Variants in PLCB1 observed in about 807,000 individuals in gnomAD.
The protein encoded by PLCB1 is phospholipase C beta 1.
In PLCB1, 46 loss-of-function variants were observed where a neutral mutation model predicts 161.8. That is an observed-to-expected ratio of 0.28 (90% CI 0.22 to 0.36). PLCB1 has a LOEUF of 0.36. Ranked by LOEUF, PLCB1 falls within the 10% of genes least tolerant of loss-of-function variation. The pLI is 1.00. For missense variants in PLCB1, 1,016 were observed against 1,472.5 expected (o/e 0.69, Z 5.07); for synonymous variants, 517 against 503.7 (o/e 1.03, Z -0.35).
Position 8,523,496 on chromosome 20 carries a change from C to CTCTCTCTATA in PLCB1, c.247-104797_247-104796insCTCTCTATAT. Among the ~76,000 whole-genome samples the CTCTCTCTATA allele has an allele frequency of 1.5e-4, 8 of 51,656 alleles. 1 individual carries two copies. The highest frequency in any genetic ancestry group is 0.012 in the Middle Eastern group (1 of 82). The allele number at this position is 51,656 out of a possible 152,430, so 33.9% of individuals were successfully genotyped here. On this transcript the variant is annotated intron_variant, in intron 3 of 31. Transcript: ENST00000338037. ...TCTCTCTCTCTCTCTCTCTCTCTCTCTATATATATATATATATATATATAT... is the reference window on the plus strand; with the variant it reads ...TCTCTCTCTCTCTCTCTCTCTCTCTCTCTCTCTATATATATATATATATATATATATATAT...
chr20:8,332,328 CAG>C (rs1460869599), intron 2 of PLCB1, among the ~76,000 whole-genome samples: 3 of 152,168 alleles, frequency 2.0e-5, no homozygotes, highest in Non-Finnish European at 4.4e-5. Flanking sequence ...AAGTCAATGA[CAG>C]ATTTTATTTG....
chr20:8,579,465 A>G (rs1318073594), intron 3 of PLCB1, among the ~76,000 whole-genome samples: 1 of 152,216 alleles, frequency 6.6e-6, no homozygotes, highest in Non-Finnish European at 1.5e-5. Flanking sequence ...ACAACTACTT[A>G]TTGTTCCAAG....
chr20:8,184,807 T>TATA (rs1270657884), intron 2 of PLCB1, among the ~76,000 whole-genome samples: 1 of 144,004 alleles, frequency 6.9e-6, no homozygotes, highest in Middle Eastern at 3.5e-3. Flanking sequence ...TTATTATTAT[T>TATA]ATACTTTAAG....
chr20:8,293,892 G>A (rs1796644958), intron 2 of PLCB1, among the ~76,000 whole-genome samples: 2 of 152,144 alleles, frequency 1.3e-5, no homozygotes, highest in Non-Finnish European at 2.9e-5. Flanking sequence ...GAGAAGTAAG[G>A]GACTAGAGAA....
chr20:8,874,888 G>A lies in PLCB1; in HGVS notation c.3424-6734G>A, dbSNP rs555879033. Among the ~76,000 whole-genome samples, 28 of 151,968 alleles carry A rather than the reference G, an allele frequency of 1.8e-4. No individual in the cohort carries two copies. The East Asian group carries it at 5.2e-3, about 28-fold the overall frequency. Reference sequence around the variant, plus strand: ...CAAAAATGGAGTTGCTGGGTTACAAGCCTATGTTTGCCTTCTTATAAATTT... The same window carrying A: ...CAAAAATGGAGTTGCTGGGTTACAAACCTATGTTTGCCTTCTTATAAATTT... On this transcript the variant is annotated intron_variant, in intron 31 of 31. Transcript: ENST00000338037.
At chr20:8,533,158 C>A (rs1319936117) in intron 3 of PLCB1, among the ~76,000 whole-genome samples, 1 of 152,032 alleles carries the variant, frequency 6.6e-6, no homozygotes, top group Non-Finnish European at 1.5e-5. Context: ...ATGATGATTT[C>A]CAATTTCATC....
chr20:8,852,984 TCAGG>T lies in PLCB1; in HGVS notation c.3424-28633_3424-28630del, dbSNP rs1986941628. 3.3e-5 allele frequency among the ~76,000 whole-genome samples: 5 copies of T among 152,310 alleles called. No individual in the cohort carries two copies. In the South Asian group the frequency reaches 1.0e-3, roughly 32 times the overall value. Reference sequence around the variant, plus strand: ...CCCATATCCATTGGGGACATGAGTGTCAGGCAGGTCAGGTGAGTGTCACCACCTG... The same window carrying T: ...CCCATATCCATTGGGGACATGAGTGTCAGGTCAGGTGAGTGTCACCACCTG... On this transcript the variant is annotated intron_variant, in intron 31 of 31. Transcript: ENST00000338037.
intron 31 of PLCB1, among the ~76,000 whole-genome samples, chr20:8,845,187 C>A (rs1035835239): frequency 6.6e-6 from 1 of 152,014 alleles, no homozygotes; most frequent in Non-Finnish European, 1.5e-5. Context: ...ATCATGAGTT[C>A]TTTTGGTGAC....
intron 3 of PLCB1, among the ~76,000 whole-genome samples, chr20:8,485,655 G>T (rs1287141370): frequency 6.6e-6 from 1 of 152,144 alleles, no homozygotes; most frequent in Non-Finnish European, 1.5e-5. Flanking sequence ...GGTGAACTTG[G>T]GCATGAATGA....
At chr20:8,237,165 A>G (rs545837144) in intron 2 of PLCB1, among the ~76,000 whole-genome samples, 4 of 152,212 alleles carry the variant, frequency 2.6e-5, no homozygotes, top group African/African-American at 7.2e-5. Context: ...ATTGCAAGGA[A>G]ATTGCTTGTA....
chr20:8,870,811 T>G (rs1336361348), intron 31 of PLCB1, among the ~76,000 whole-genome samples: 1 of 151,750 alleles, frequency 6.6e-6, no homozygotes, highest in Non-Finnish European at 1.5e-5. Context: ...AGTCTGAAGA[T>G]ATGAGATCTA....
At chr20:8,525,781 CTTT>C (rs202026947) in intron 3 of PLCB1, among the ~76,000 whole-genome samples, 1 of 142,678 alleles carries the variant, frequency 7.0e-6, no homozygotes, top group African/African-American at 2.6e-5. Flanking sequence ...AAAAAAACAG[CTTT>C]TTTTTTTTTT....
intron 3 of PLCB1, among the ~76,000 whole-genome samples, chr20:8,583,031 T>C (rs1358590855): frequency 6.6e-6 from 1 of 150,766 alleles, no homozygotes; most frequent in Admixed American, 6.6e-5. Context: ...TAACACATGC[T>C]CCAACATTGA....
chr20:8,842,541 A>C lies in PLCB1; in HGVS notation c.3424-39081A>C, dbSNP rs543764291. Among the ~76,000 whole-genome samples, 54 of 152,322 alleles carry C rather than the reference A, an allele frequency of 3.5e-4. No individual in the cohort carries two copies. In the South Asian group the frequency reaches 9.9e-3, roughly 28 times the overall value. On this transcript the variant is annotated intron_variant, in intron 31 of 31. Coordinates refer to ENST00000338037, the MANE Select transcript of PLCB1 (RefSeq NM_015192.4). Reference sequence around the variant, plus strand: ...TAGTGTAGCAGGACGAGCCGCAGACAAGAACCCCTCAGACACCGAGTTGTA... The same window carrying C: ...TAGTGTAGCAGGACGAGCCGCAGACCAGAACCCCTCAGACACCGAGTTGTA...
At chr20:8,633,625 T>G (rs963588392) in intron 4 of PLCB1, among the ~76,000 whole-genome samples, 2 of 152,188 alleles carry the variant, frequency 1.3e-5, no homozygotes, top group African/African-American at 4.8e-5. Context: ...GTTAATGCCA[T>G]GCTCATGGGA....
chr20:8,529,366 A>G (rs1984707784), intron 3 of PLCB1, among the ~76,000 whole-genome samples: 1 of 151,972 alleles, frequency 6.6e-6, no homozygotes, highest in Admixed American at 6.6e-5. Context: ...CCTCCTCCTC[A>G]AAGTGGGTAT....
chr20:8,812,977 G>A (rs908589480), intron 31 of PLCB1, among the ~76,000 whole-genome samples: 6 of 152,160 alleles, frequency 3.9e-5, no homozygotes, highest in African/African-American at 1.4e-4. Context: ...GCCATTTCCC[G>A]AGCAGGCAGC....
At chr20:8,637,896 T>C (rs917013262) in intron 4 of PLCB1, among the ~76,000 whole-genome samples, 1 of 152,194 alleles carries the variant, frequency 6.6e-6, no homozygotes, top group Admixed American at 6.5e-5. Context: ...TTTATTTTAT[T>C]TATTGATTTA....
At chr20:8,693,112 G>A (rs6056025) in intron 10 of PLCB1, among the ~76,000 whole-genome samples, 11,504 of 152,218 alleles carry the variant, frequency 0.076, 526 homozygotes, top group African/African-American at 0.12. Flanking sequence ...ATTTATGTTT[G>A]CCTCCCTACC....
Sources: gnomAD v4.1 joint callset for allele counts (sites outside exome capture counted in the v4.1 genomes callset) on GRCh38, gnomAD v4.1.1 for gene constraint, MANE v1.5 for transcripts, NCBI Gene and HGNC (gene_info 2026-07-23, HGNC 2026-07-21) for gene names.